The following KCNK2 variants were observed in gnomAD, a reference collection of about 807,000 sequenced individuals.
KCNK2 encodes the protein potassium two pore domain channel subfamily K member 2, also known as potassium channel subfamily K member 2.
A neutral mutation model predicts 40.5 loss-of-function variants in KCNK2; 21 were observed. That is an observed-to-expected ratio of 0.52 (90% CI 0.37 to 0.75). The LOEUF is 0.75. Ranked by LOEUF, KCNK2 falls within the 30% of genes least tolerant of loss-of-function variation. KCNK2 has a pLI of 0.00. For synonymous variants in KCNK2, 191 were observed against 202.2 expected (o/e 0.94, Z 0.47); for missense variants, 399 against 531.6 (o/e 0.75, Z 2.45).
intron 3 of KCNK2, among the ~76,000 whole-genome samples, chr1:215,139,310 A>T (rs946220948): frequency 6.6e-6 from 1 of 152,182 alleles, no homozygotes; most frequent in Non-Finnish European, 1.5e-5. Context: ...TATACAAGTG[A>T]AGCTCACTAT....
intron 1 of KCNK2, among the ~76,000 whole-genome samples, chr1:215,014,652 G>A (rs1015969246): frequency 1.2e-4 from 18 of 151,930 alleles, no homozygotes; most frequent in Non-Finnish European, 2.1e-4. Context: ...TAATCCAAAT[G>A]TGATGTGAAT....
In KCNK2 at chr1:215,044,828, C is replaced by CGCGT. The variant is rs1206625036; in HGVS notation, c.34+38876_34+38877insTGCG. ...GTGTGTGTGTGTGTGTGTGTGTGTG[C>CGCGT]GCGCGCACACGTGTGTTGATGACGA... is the stretch of plus-strand genomic sequence containing the variant. On this transcript the variant is annotated intron_variant, in intron 1 of 6. Coordinates refer to the KCNK2 transcript ENST00000391895. Among the ~76,000 whole-genome samples, 4 of 36,898 alleles carry CGCGT rather than the reference C, an allele frequency of 1.1e-4. No homozygotes were observed. In the South Asian group the frequency reaches 1.7e-3, roughly 16 times the overall value. 24.2% of individuals were successfully genotyped at this position (36,898 alleles called of 152,430 possible). A position where few individuals can be genotyped will look rare whatever the true frequency, so the allele number is the denominator to read the frequency against.
intron 1 of KCNK2, among the ~76,000 whole-genome samples, chr1:215,025,300 C>T (rs1571854625): frequency 6.6e-6 from 1 of 152,050 alleles, no homozygotes; most frequent in East Asian, 1.9e-4. Context: ...AATTGCTCCT[C>T]CAGGTCAGAA....
intron 3 of KCNK2, among the ~76,000 whole-genome samples, chr1:215,130,685 C>T (rs1031614687): frequency 3.3e-5 from 5 of 152,006 alleles, no homozygotes; most frequent in Non-Finnish European, 7.4e-5. Context: ...ACTTGTTAAT[C>T]TATTAATCCA....
At chr1:215,173,466 A>G (rs1213496535) in intron 5 of KCNK2, among the ~76,000 whole-genome samples, 1 of 152,140 alleles carries the variant, frequency 6.6e-6, no homozygotes, top group Non-Finnish European at 1.5e-5. Context: ...ATGATTTATA[A>G]TCCTTTGGGT....
chr1:215,198,033 A>G (rs1336549109), intron 6 of KCNK2, among the ~76,000 whole-genome samples: 4 of 152,164 alleles, frequency 2.6e-5, no homozygotes, highest in African/African-American at 7.2e-5. Flanking sequence ...AAACAAACAA[A>G]AAAAACAAGG....
chr1:215,157,278 C>T (rs1662974292), intron 3 of KCNK2, among the ~76,000 whole-genome samples: 1 of 152,066 alleles, frequency 6.6e-6, no homozygotes, highest in Non-Finnish European at 1.5e-5. Context: ...ACGGGGTGAC[C>T]ACTCCCCAAG....
intron 3 of KCNK2, among the ~76,000 whole-genome samples, chr1:215,154,817 G>T (rs1022877796): frequency 7.9e-5 from 12 of 152,046 alleles, no homozygotes; most frequent in African/African-American, 2.7e-4. Context: ...AGTTTTCCCA[G>T]CACCATCTAT....
intron 3 of KCNK2, among the ~76,000 whole-genome samples, chr1:215,150,716 C>T (rs570723125): frequency 2.0e-5 from 3 of 152,058 alleles, no homozygotes; most frequent in African/African-American, 7.2e-5. Context: ...ATGCATTCAG[C>T]TATTTTACTA....
rs760836142 is a variant in KCNK2 at position 215,086,555 on chromosome 1, C to G, written c.234C>G (p.Thr78=). The G allele has an allele frequency of 6.2e-7, 1 of 1,614,016 alleles. No individual in the cohort carries two copies. Among genetic ancestry groups the G allele is most frequent in the Non-Finnish European group, 8.5e-7 (1 of 1,180,020 alleles). Residue 78 remains threonine, a synonymous_variant, in exon 2 of 7, where the codon ACC becomes ACG. Transcript: ENST00000444842. ...VVVLYLIIGA[T]VFKALEQPHE... is the part of the protein sequence containing the mutation. Reference sequence around the variant, plus strand: ...TCCTCTATCTGATCATCGGAGCCACCGTGTTCAAAGCATTGGAGCAGCCTC... The same window carrying G: ...TCCTCTATCTGATCATCGGAGCCACGGTGTTCAAAGCATTGGAGCAGCCTC...
intron 5 of KCNK2, among the ~76,000 whole-genome samples, chr1:215,189,831 A>AT (rs1409089558): frequency 3.3e-5 from 5 of 152,176 alleles, no homozygotes; most frequent in African/African-American, 7.2e-5. Flanking sequence ...AGAAATTAAG[A>AT]TTTTCCCTCC....
intron 6 of KCNK2, among the ~76,000 whole-genome samples, chr1:215,201,717 C>G (rs898947512): frequency 6.6e-6 from 1 of 152,044 alleles, no homozygotes; most frequent in Non-Finnish European, 1.5e-5. Context: ...GGGAGGATTG[C>G]GTAGGTGGTG....
intron 6 of KCNK2, among the ~76,000 whole-genome samples, chr1:215,232,273 A>T (rs1368785317): frequency 6.6e-6 from 1 of 152,208 alleles, no homozygotes; most frequent in African/African-American, 2.4e-5. Context: ...ATAAACTATG[A>T]GCTGAAATAA....
At chr1:215,084,932 G>A (rs1200301682) in intron 1 of KCNK2, among the ~76,000 whole-genome samples, 2 of 152,192 alleles carry the variant, frequency 1.3e-5, no homozygotes, top group Non-Finnish European at 2.9e-5. Flanking sequence ...CTTAGGTCTA[G>A]TGTTTTAAAT....
At chr1:215,149,384 T>G (rs10779644) in intron 3 of KCNK2, among the ~76,000 whole-genome samples, 1 of 151,930 alleles carries the variant, frequency 6.6e-6, no homozygotes, top group Non-Finnish European at 1.5e-5. Flanking sequence ...ATTAAGGTAT[T>G]CCCCAGAGCA....
intron 1 of KCNK2, among the ~76,000 whole-genome samples, chr1:215,015,442 A>G (rs2102473541): frequency 6.6e-6 from 1 of 152,166 alleles, no homozygotes; most frequent in Admixed American, 6.5e-5. Flanking sequence ...AGATTTCTGA[A>G]CCACATAAAA....
intron 6 of KCNK2, among the ~76,000 whole-genome samples, chr1:215,205,131 C>A (rs1170557549): frequency 6.6e-6 from 1 of 152,180 alleles, no homozygotes; most frequent in African/African-American, 2.4e-5. Flanking sequence ...ATTTGACTCT[C>A]TTTCCAGATA....
chr1:215,012,795 AC>A (rs989949429), intron 1 of KCNK2, among the ~76,000 whole-genome samples: 9 of 151,750 alleles, frequency 5.9e-5, no homozygotes, highest in African/African-American at 2.2e-4. Context: ...CCTTTATTAG[AC>A]TTGTGATTAT....
At chr1:215,126,835 A>G (rs1282193166) in intron 3 of KCNK2, among the ~76,000 whole-genome samples, 1 of 152,120 alleles carries the variant, frequency 6.6e-6, no homozygotes. Flanking sequence ...TTTAGTCTTC[A>G]GTGGATTAAG....
Sources: gnomAD v4.1 joint callset for allele counts (sites outside exome capture counted in the v4.1 genomes callset) on GRCh38, gnomAD v4.1.1 for gene constraint, MANE v1.5 for transcripts, NCBI Gene and HGNC (gene_info 2026-07-23, HGNC 2026-07-21) for gene names.